The following IFT122 variants were observed in gnomAD, a reference collection of about 807,000 sequenced individuals.
The protein encoded by IFT122 is intraflagellar transport 122.
In IFT122, 118 loss-of-function variants were observed where a neutral mutation model predicts 161.6. The observed-to-expected ratio is 0.73, with a 90% confidence interval of 0.63 to 0.85. The LOEUF is 0.85. Among genes scored for constraint, IFT122 ranks in the 40% least tolerant of loss-of-function variants. The pLI, the probability that IFT122 is intolerant of heterozygous loss-of-function variation, is 0.00. For synonymous variants in IFT122, 550 were observed against 602.4 expected, an observed-to-expected ratio of 0.91 and a Z score of 1.27; for missense variants, 1,381 against 1,579.6, an observed-to-expected ratio of 0.87 and a Z score of 2.13.
intron 9 of IFT122, among the ~76,000 whole-genome samples, chr3:129,470,819 C>T (rs1247018603): frequency 6.6e-6 from 1 of 152,096 alleles, no homozygotes; most frequent in African/African-American, 2.4e-5. Flanking sequence ...ATCCACCTGC[C>T]TCAGTCTCCC....
At position 129,502,782 on chromosome 3, in the gene IFT122, A is replaced by G. The variant is rs761701925; in HGVS notation, c.2447A>G (p.Lys816Arg). 1 of 1,613,092 alleles carries G rather than the reference A, an allele frequency of 6.2e-7. No homozygotes were observed. Among genetic ancestry groups the G allele is most frequent in the Non-Finnish European group, 8.5e-7 (1 of 1,180,034 alleles). The change falls in exon 20 of 30, where the codon AAG (lysine) becomes AGG (arginine). Residue 816 changes from lysine (K) to arginine (R), a missense_variant. Physicochemically the swap from Lys to Arg is conservative, Grantham distance 26 (BLOSUM62 2). Coordinates refer to ENST00000348417, the MANE Select transcript of IFT122 (RefSeq NM_052989.3). ...EPLLLCATYL[K>R]KLDSPGYAAE... ...CTGCTGCTGTGCGCTACCTACCTCA[A>G]GAAGCTGGACAGCCCTGGCTATGCT...
At chr3:129,493,213 A>G (rs1168371153) in intron 17 of IFT122, among the ~76,000 whole-genome samples, 1 of 152,198 alleles carries the variant, frequency 6.6e-6, no homozygotes, top group Non-Finnish European at 1.5e-5. Flanking sequence ...TTTATTGTGA[A>G]GGTATGGGAA....
chr3:129,516,952 G>C (rs1238179176), intron 26 of IFT122, among the ~76,000 whole-genome samples: 70 of 95,878 alleles, frequency 7.3e-4, no homozygotes, highest in African/African-American at 2.5e-3. Context: ...CACACACACA[G>C]AGACTGCCCC....
chr3:129,450,713 GTTTTTTTTTTTTTTT>G (rs747032492), intron 2 of IFT122, among the ~76,000 whole-genome samples: 3 of 80,966 alleles, frequency 3.7e-5, no homozygotes, highest in African/African-American at 9.4e-5. Flanking sequence ...GTGTGTGTGT[GTTTTTTTTTTTTTTT>G]TTTTTTTTTG....
chr3:129,506,035 C>A (rs988634112), intron 21 of IFT122, among the ~76,000 whole-genome samples: 3 of 152,122 alleles, frequency 2.0e-5, no homozygotes, highest in African/African-American at 7.2e-5. Flanking sequence ...AGTGGCAGGT[C>A]CTGTTTCTAT....
In IFT122 at chr3:129,478,272, C is replaced by G. The variant is rs74719990; in HGVS notation, c.1350+54C>G. 0.03 allele frequency: 45,371 copies of G among 1,493,010 alleles called. 5,120 individuals are homozygous for G. The East Asian group carries it at 0.38, about 13-fold the overall frequency. 92.5% of individuals were successfully genotyped at this position (1,493,010 alleles called of 1,614,324 possible). ...GCTGAATTCCATTTGTGCTCCCCCC[C>G]CAGTGATAGGGTGCCCACCTCATGG... On this transcript the variant is annotated intron_variant, in intron 12 of 29. Coordinates refer to ENST00000348417, the MANE Select transcript of IFT122 (RefSeq NM_052989.3).
At chr3:129,451,088 A>C (rs1033104693) in intron 2 of IFT122, among the ~76,000 whole-genome samples, 1 of 151,702 alleles carries the variant, frequency 6.6e-6, no homozygotes, top group Non-Finnish European at 1.5e-5. Context: ...CTAAATCCAT[A>C]TTACAGCTGG....
chr3:129,517,404 C>T, intron 26 of IFT122, 65 bp from the exon 27 acceptor site: 1 of 1,602,356 alleles, frequency 6.2e-7, no homozygotes, highest in Non-Finnish European at 8.5e-7. Context: ...GGTCACCCCA[C>T]CTGCCTGGCG....
At position 129,481,712 on chromosome 3, in the gene IFT122, G is replaced by A. The variant is rs547305629; in HGVS notation, c.1653+18G>A. 6.4e-5 allele frequency: 104 copies of A among 1,613,010 alleles called. No individual in the cohort carries two copies. The South Asian group carries it at 1.0e-3, about 16-fold the overall frequency. ...TTTTTCAGGTGAAGTCCCTGAGGGGGCCCAGGGACATCATCCTTTGATTAG... is the reference window on the plus strand; with the variant it reads ...TTTTTCAGGTGAAGTCCCTGAGGGGACCCAGGGACATCATCCTTTGATTAG... On this transcript the variant is annotated intron_variant, in intron 14 of 29. Transcript: ENST00000348417.
chr3:129,520,129 G>C, intron 29 of IFT122, 47 bp from the exon 30 acceptor site: 1 of 1,516,168 alleles, frequency 6.6e-7, no homozygotes. Flanking sequence ...GCGTAGGGCT[G>C]ATGAGCACTA....
chr3:129,473,946 G>A (rs745578992), intron 9 of IFT122, among the ~76,000 whole-genome samples: 4 of 152,202 alleles, frequency 2.6e-5, no homozygotes, highest in Non-Finnish European at 5.9e-5. Flanking sequence ...TGGGAAGATT[G>A]GTCCGATGGG....
At chr3:129,476,041 GAC>G (rs1379710085) in intron 9 of IFT122, 4 of 502,362 alleles carry the variant, frequency 8.0e-6, no homozygotes, top group Non-Finnish European at 1.4e-5. Context: ...GAGGAGCCCT[GAC>G]ACACTCCTGC....
intron 8 of IFT122, among the ~76,000 whole-genome samples, chr3:129,467,689 G>A (rs1275083005): frequency 1.3e-5 from 2 of 152,220 alleles, no homozygotes; most frequent in Non-Finnish European, 2.9e-5. Context: ...GAGATTGCCT[G>A]TAGGGAAAAC....
chr3:129,448,531 C>G (rs1225595847), intron 1 of IFT122, among the ~76,000 whole-genome samples: 1 of 152,116 alleles, frequency 6.6e-6, no homozygotes, highest in Non-Finnish European at 1.5e-5. Context: ...TTTACGTGGC[C>G]AGCGCCATGT....
At chr3:129,456,689 C>T (rs1004645220) in intron 3 of IFT122, among the ~76,000 whole-genome samples, 4 of 151,644 alleles carry the variant, frequency 2.6e-5, no homozygotes, top group South Asian at 2.1e-4. Context: ...CTTTGGAAGG[C>T]GGATCACCTG....
intron 24 of IFT122, chr3:129,514,160 G>C: frequency 1.5e-6 from 1 of 665,190 alleles, no homozygotes; most frequent in Non-Finnish European, 2.8e-6. Flanking sequence ...CAAGGTTAAA[G>C]TATTAATGGA....
At position 129,499,913 on chromosome 3, in the gene IFT122, A is replaced by G; in HGVS notation, c.2220A>G (p.Gly740=). ...CMFEYAKDFL[G]SGDPKETKML... The stretch of plus-strand genomic sequence containing the variant: ...TTGTGCTTCCTCAGGATTTCCTTGG[A>G]TCTGGAGACCCCAAAGAAACAAAGA... The change falls in exon 19 of 30, where the codon GGA becomes GGG. Residue 740 remains glycine (G), a synonymous_variant. Coordinates refer to ENST00000348417, the MANE Select transcript of IFT122 (RefSeq NM_052989.3). 1 of 1,614,164 alleles carries G rather than the reference A, an allele frequency of 6.2e-7. No individual in the cohort carries two copies. The highest frequency in any genetic ancestry group is 8.5e-7 in the Non-Finnish European group (1 of 1,180,018).
chr3:129,512,378 C>T lies in IFT122; in HGVS notation c.2953C>T (p.Leu985=). Residue 985 remains leucine (L), a synonymous_variant, in exon 24 of 30, where the codon CTG becomes TTG. Transcript: ENST00000348417. The part of the protein sequence containing the change: ...FNISRFLLHS[L]PKDTPSGISK... The stretch of plus-strand genomic sequence containing the variant: ...CATCTCCAGGTTCCTGCTGCACAGC[C>T]TGCCCAAGGACACCCCCTCGGGCAT... The T allele has an allele frequency of 2.5e-6, 4 of 1,613,928 alleles. No individual in the cohort carries two copies. Among genetic ancestry groups the T allele is most frequent in the Non-Finnish European group, 3.4e-6 (4 of 1,179,778 alleles).
At chr3:129,518,893 G>T (rs1266324807) in intron 27 of IFT122, among the ~76,000 whole-genome samples, 1 of 152,254 alleles carries the variant, frequency 6.6e-6, no homozygotes, top group Non-Finnish European at 1.5e-5. Context: ...GGGAGCTATG[G>T]TGTGTGTGGC....
Sources: allele counts gnomAD v4.1 joint callset (sites outside exome capture counted in the v4.1 genomes callset), GRCh38; gene constraint gnomAD v4.1.1; transcripts MANE v1.5; gene names NCBI Gene and HGNC (gene_info 2026-07-23, HGNC 2026-07-21).